Variants in TBCEL observed in about 807,000 individuals in gnomAD.
The protein encoded by TBCEL is tubulin-specific chaperone cofactor E-like protein.
A neutral mutation model predicts 44.2 loss-of-function variants in TBCEL; 15 were observed. The observed-to-expected ratio is 0.34, with a 90% CI of 0.23 to 0.52. The LOEUF is 0.52. TBCEL is among the 20% of genes least tolerant of loss of function. The pLI, the probability that TBCEL is intolerant of heterozygous loss-of-function variation, is 0.95. For missense variants in TBCEL, 319 were observed against 506.3 expected, an observed-to-expected ratio of 0.63 and a Z score of 3.55; for synonymous variants, 171 against 185.4, an observed-to-expected ratio of 0.92 and a Z score of 0.63.
chr11:121,051,488 A>G (rs1238588039), intron 4 of TBCEL, among the ~76,000 whole-genome samples: 1 of 151,716 alleles, frequency 6.6e-6, no homozygotes, highest in Non-Finnish European at 1.5e-5. Flanking sequence ...TATAGCTGGT[A>G]AGCATCTTCT....
intron 8 of TBCEL, among the ~76,000 whole-genome samples, chr11:121,076,093 T>C (rs146580006): frequency 7.1e-4 from 108 of 152,078 alleles, no homozygotes; most frequent in African/African-American, 2.4e-3. Context: ...TATAGCCTTA[T>C]GGTAACTGTT....
chr11:121,072,363 A>C (rs1945950682), intron 8 of TBCEL, among the ~76,000 whole-genome samples: 1 of 152,226 alleles, frequency 6.6e-6, no homozygotes, highest in Non-Finnish European at 1.5e-5. Context: ...TCAGTAAAAC[A>C]ATACTAAAAA....
intron 2 of TBCEL, among the ~76,000 whole-genome samples, chr11:121,041,740 A>G (rs11606617): frequency 0.024 from 3,680 of 151,914 alleles, 117 homozygotes; most frequent in African/African-American, 0.069. Context: ...TTCCTCCTCA[A>G]ACTGCCCCAA....
intron 8 of TBCEL, among the ~76,000 whole-genome samples, chr11:121,080,439 G>A (rs897574248): frequency 6.6e-6 from 1 of 152,116 alleles, no homozygotes; most frequent in Non-Finnish European, 1.5e-5. Context: ...GCCACCTGCA[G>A]AAAATGTAAA....
chr11:121,085,901 G>C (rs999146312), intron 8 of TBCEL, among the ~76,000 whole-genome samples: 2 of 152,086 alleles, frequency 1.3e-5, no homozygotes, highest in African/African-American at 4.8e-5. Flanking sequence ...AGGAAGTAGG[G>C]GGATAATTTT....
rs1236079448 is a variant in TBCEL, at chr11:121,087,220, A to G, written c.*124A>G. On this transcript the variant is annotated 3_prime_UTR_variant, in exon 9 of 9. Coordinates refer to ENST00000683345, the MANE Select transcript of TBCEL (RefSeq NM_001363644.2). ...TGTTTTGTTCTGTTTAGGTTTGGGAAGGATTTTGTATATTTTTCCCCCTGG... is the reference window on the plus strand; with the variant it reads ...TGTTTTGTTCTGTTTAGGTTTGGGAGGGATTTTGTATATTTTTCCCCCTGG... The G allele has an allele frequency of 9.6e-7, 1 of 1,046,916 alleles. No individual in the cohort carries two copies. The highest frequency in any genetic ancestry group is 1.3e-6 in the Non-Finnish European group (1 of 742,730). The allele number at this position is 1,046,916 out of a possible 1,614,324, so 64.9% of individuals were successfully genotyped here.
chr11:121,054,984 A>G, intron 5 of TBCEL, 68 bp from the exon 6 acceptor site: 1 of 1,377,918 alleles, frequency 7.3e-7, no homozygotes, highest in African/African-American at 1.5e-5. Flanking sequence ...TATTGAATGA[A>G]TGAAAATAGG....
intron 3 of TBCEL, among the ~76,000 whole-genome samples, chr11:121,046,184 A>G (rs527659220): frequency 6.6e-6 from 1 of 152,268 alleles, no homozygotes; most frequent in African/African-American, 2.4e-5. Flanking sequence ...GTAAATAAAC[A>G]CAAGACAATT....
intron 1 of TBCEL, among the ~76,000 whole-genome samples, chr11:121,029,540 A>G (rs1483807429): frequency 6.6e-6 from 1 of 152,236 alleles, no homozygotes; most frequent in African/African-American, 2.4e-5. Context: ...CAAATTACAC[A>G]GTAGTCATAA....
intron 8 of TBCEL, among the ~76,000 whole-genome samples, chr11:121,066,808 A>T (rs1376195885): frequency 2.6e-5 from 4 of 152,228 alleles, no homozygotes. Context: ...AGCACATAGT[A>T]CTGTGTATAG....
intron 1 of TBCEL, among the ~76,000 whole-genome samples, chr11:121,027,405 A>G (rs567613363): frequency 3.9e-5 from 6 of 152,188 alleles, no homozygotes; most frequent in Non-Finnish European, 8.8e-5. Flanking sequence ...AACTCTTCCA[A>G]AGGATATTGC....
intron 2 of TBCEL, among the ~76,000 whole-genome samples, chr11:121,040,149 A>T (rs992454194): frequency 3.3e-5 from 5 of 152,180 alleles, no homozygotes; most frequent in Non-Finnish European, 7.3e-5. Context: ...TTCCTGCTTC[A>T]GGAAGCACCT....
chr11:121,047,625 G>C lies in TBCEL; in HGVS notation c.231G>C (p.Ser77=). The C allele has an allele frequency of 6.2e-7, 1 of 1,612,530 alleles. No individual in the cohort carries two copies. Among genetic ancestry groups the C allele is most frequent in the South Asian group, 1.1e-5 (1 of 91,034 alleles). Residue 77 remains serine, a synonymous_variant, in exon 4 of 9, where the codon TCG becomes TCC. Transcript: ENST00000683345. ...KEIAAFCAHV[S]ELDLSDNKLE... ...TTGCTGCTTTCTGCGCTCATGTGTCGGAACTAGATCTTTCTGACAACAAAC... is the reference window on the plus strand; with the variant it reads ...TTGCTGCTTTCTGCGCTCATGTGTCCGAACTAGATCTTTCTGACAACAAAC...
intron 2 of TBCEL, among the ~76,000 whole-genome samples, chr11:121,038,637 G>A (rs1945276542): frequency 6.6e-6 from 1 of 152,044 alleles, no homozygotes; most frequent in Admixed American, 6.5e-5. Context: ...GCAGTCCTGA[G>A]AGGTTCTTTG....
intron 1 of TBCEL, among the ~76,000 whole-genome samples, chr11:121,025,002 T>TAGGA (rs1447527535): frequency 6.6e-6 from 1 of 152,104 alleles, no homozygotes; most frequent in African/African-American, 2.4e-5. Context: ...GGTCCGCTAG[T>TAGGA]AGGAAGACAT....
chr11:121,038,021 A>G (rs1945264072), intron 2 of TBCEL, among the ~76,000 whole-genome samples: 1 of 151,400 alleles, frequency 6.6e-6, no homozygotes, highest in African/African-American at 2.4e-5. Flanking sequence ...GTGCAGTGGC[A>G]CGATCTCGAC....
chr11:121,041,142 T>C (rs1381601682), intron 2 of TBCEL, among the ~76,000 whole-genome samples: 2 of 152,204 alleles, frequency 1.3e-5, no homozygotes, highest in African/African-American at 4.8e-5. Flanking sequence ...ATCTATCTTA[T>C]ATGTTTCCCA....
chr11:121,084,405 G>C (rs1174114145), intron 8 of TBCEL, among the ~76,000 whole-genome samples: 1 of 152,078 alleles, frequency 6.6e-6, no homozygotes, highest in African/African-American at 2.4e-5. Flanking sequence ...AGACTTTTGA[G>C]TTTTGTGGAG....
At chr11:121,082,387 T>A (rs1946141697) in intron 8 of TBCEL, among the ~76,000 whole-genome samples, 1 of 152,264 alleles carries the variant, frequency 6.6e-6, no homozygotes, top group South Asian at 2.1e-4. Context: ...CAATGGTGTG[T>A]CAGGTTCTGG....
Sources: allele counts gnomAD v4.1 joint callset (sites outside exome capture counted in the v4.1 genomes callset), GRCh38; gene constraint gnomAD v4.1.1; transcripts MANE v1.5; gene names NCBI Gene and HGNC (gene_info 2026-07-23, HGNC 2026-07-21).